Variants in ZNF490 observed in about 807,000 individuals in gnomAD.
ZNF490 encodes the protein zinc finger protein 490.
A neutral mutation model predicts 17.7 loss-of-function variants in ZNF490; 11 were observed. That is an observed-to-expected ratio of 0.62 (90% CI 0.39 to 1.03). The LOEUF (loss-of-function observed/expected upper bound fraction) is 1.03, where lower values mean the gene tolerates loss of function less well. Among genes scored for constraint, ZNF490 ranks in the 50% least tolerant of loss-of-function variants. The pLI, the probability that ZNF490 is intolerant of heterozygous loss-of-function variation, is 0.00. For missense variants in ZNF490, 542 were observed against 643.4 expected (o/e 0.84, Z 1.71); for synonymous variants, 222 against 216.1 (o/e 1.03, Z -0.24).
At chr19:12,583,779 CTCTCTCTCTCTCTATA>C (rs1351756724) in intron 2 of ZNF490, among the ~76,000 whole-genome samples, 7 of 98,330 alleles carry the variant, frequency 7.1e-5, no homozygotes, top group East Asian at 3.2e-4. Context: ...CTCTCTCTCT[CTCTCTCTCTCTCTATA>C]TATATATATA....
Position 12,581,316 on chromosome 19 carries a change from C to G in ZNF490, c.759G>C (p.Lys253Asn), listed in dbSNP as rs140140277. ...GATATCTGAATGCCTTCCCACATTCCTTACATTCATAGGGTGTCTCTCCAG... is the reference window on the plus strand; with the variant it reads ...GATATCTGAATGCCTTCCCACATTCGTTACATTCATAGGGTGTCTCTCCAG... ...IHTGETPYEC[K>N]ECGKAFRYLT... Residue 253 changes from lysine to asparagine, a missense_variant, in exon 5 of 5, where the codon AAG (lysine) becomes AAC (asparagine). Physicochemically the swap from Lys to Asn is moderately conservative, Grantham distance 94 (BLOSUM62 0). Coordinates refer to ENST00000311437, the MANE Select transcript of ZNF490 (RefSeq NM_020714.3). The G allele has an allele frequency of 2.4e-4, 382 of 1,613,884 alleles. 3 individuals carry two copies. The highest frequency in any genetic ancestry group is 2.7e-4 in the Non-Finnish European group (314 of 1,179,952).
rs2022682099 is a variant in ZNF490 at position 12,578,983 on chromosome 19, G to GCC, written c.*1501_*1502insGG. ...TAAAATGAACTGGAGGCCGGGCGCG[G>GCC]TGGCTCACGCCTATAATCCCAGCAC... On this transcript the variant is annotated 3_prime_UTR_variant, in exon 5 of 5. Coordinates refer to ENST00000311437, the MANE Select transcript of ZNF490 (RefSeq NM_020714.3). 1 of 985,232 alleles carries GCC rather than the reference G, an allele frequency of 1.0e-6. No individual in the cohort carries two copies. 61.0% of individuals were successfully genotyped at this position (985,232 alleles called of 1,614,324 possible). A position where few individuals can be genotyped will look rare whatever the true frequency, so the allele number is the denominator to read the frequency against.
rs374202755 is a variant in ZNF490 at position 12,592,952 on chromosome 19, C to A, written c.163-9396G>T. On this transcript the variant is annotated intron_variant, in intron 2 of 4. Transcript: ENST00000311437. Reference sequence around the variant, plus strand: ...ACTGGTTGATGAATGAAACATACAACCTTTCACTCAATTCATGAATTTTAT... The same window carrying A: ...ACTGGTTGATGAATGAAACATACAAACTTTCACTCAATTCATGAATTTTAT... Among the ~76,000 whole-genome samples, 102 of 152,288 alleles carry A rather than the reference C, an allele frequency of 6.7e-4. 1 individual carries two copies. The highest frequency in any genetic ancestry group is 2.3e-3 in the African/African-American group (94 of 41,544).
intron 2 of ZNF490, among the ~76,000 whole-genome samples, chr19:12,588,873 C>G (rs1274160996): frequency 2.0e-5 from 3 of 152,106 alleles, no homozygotes; most frequent in Admixed American, 2.0e-4. Context: ...AGAAAAGTCT[C>G]AAGATATTAA....
At chr19:12,606,722 G>A (rs1409149409) in intron 2 of ZNF490, among the ~76,000 whole-genome samples, 1 of 151,916 alleles carries the variant, frequency 6.6e-6, no homozygotes, top group East Asian at 1.9e-4. Flanking sequence ...AGGAATCACT[G>A]GAAGATTTTT....
chr19:12,596,356 C>T (rs923941300), intron 2 of ZNF490, among the ~76,000 whole-genome samples: 2 of 151,838 alleles, frequency 1.3e-5, no homozygotes. Context: ...GCTTCTCCAC[C>T]GTTAAAATGG....
At chr19:12,602,079 T>TATATACAC (rs778812676) in intron 2 of ZNF490, among the ~76,000 whole-genome samples, 9 of 68,654 alleles carry the variant, frequency 1.3e-4, no homozygotes, top group East Asian at 1.2e-3. Context: ...GTTCACTATA[T>TATATACAC]ACACACACAC....
At chr19:12,600,302 A>G (rs1290143366) in intron 2 of ZNF490, among the ~76,000 whole-genome samples, 2 of 151,896 alleles carry the variant, frequency 1.3e-5, no homozygotes, top group African/African-American at 4.8e-5. Flanking sequence ...AGGAGGTGGA[A>G]GTTGCAGTGA....
intron 2 of ZNF490, among the ~76,000 whole-genome samples, chr19:12,599,026 C>T (rs1399947127): frequency 2.8e-5 from 4 of 141,968 alleles, no homozygotes; most frequent in Non-Finnish European, 1.5e-5. Context: ...TGGCGGGGTG[C>T]CTGTGATCCC....
At position 12,580,403 on chromosome 19, in the gene ZNF490, C is replaced by A; in HGVS notation, c.*82G>T. ...AGGCTTAATCACACCGTTTACATTCCTTGAATTTCTCTCCAGCGTAAGTAC... is the reference window on the plus strand; with the variant it reads ...AGGCTTAATCACACCGTTTACATTCATTGAATTTCTCTCCAGCGTAAGTAC... On this transcript the variant is annotated 3_prime_UTR_variant, in exon 5 of 5. Coordinates refer to ENST00000311437, the MANE Select transcript of ZNF490 (RefSeq NM_020714.3). The A allele has an allele frequency of 6.6e-7, 1 of 1,505,072 alleles. No homozygotes were observed. The highest frequency in any genetic ancestry group is 1.4e-5 in the South Asian group (1 of 71,446). 93.2% of individuals were successfully genotyped at this position (1,505,072 alleles called of 1,614,324 possible).
chr19:12,601,386 TG>T (rs2023001714), intron 2 of ZNF490, among the ~76,000 whole-genome samples: 1 of 149,156 alleles, frequency 6.7e-6, no homozygotes, highest in Admixed American at 6.7e-5. Flanking sequence ...AGACTCCGTC[TG>T]AAAAAAAAAA....
intron 2 of ZNF490, among the ~76,000 whole-genome samples, chr19:12,599,274 T>C (rs1466810662): frequency 6.6e-6 from 1 of 151,928 alleles, no homozygotes; most frequent in African/African-American, 2.4e-5. Flanking sequence ...AAGGATCTTG[T>C]ATGATAGATT....
intron 1 of ZNF490, among the ~76,000 whole-genome samples, chr19:12,609,453 A>G (rs963528897): frequency 6.6e-6 from 1 of 152,154 alleles, no homozygotes; most frequent in Admixed American, 6.6e-5. Flanking sequence ...CAGTGGCACA[A>G]TCTTGGCTCA....
chr19:12,583,396 C>T (rs775584838), intron 3 of ZNF490, 34 bp downstream of exon 3: 1 of 1,556,892 alleles, frequency 6.4e-7, no homozygotes, highest in Non-Finnish European at 8.7e-7. Flanking sequence ...CCTGTTCCCT[C>T]CTTAATTAAG....
chr19:12,597,044 G>T, intron 2 of ZNF490: 2 of 450,212 alleles, frequency 4.4e-6, no homozygotes, highest in South Asian at 3.1e-5. Context: ...CCACGCTGCT[G>T]GGAGACCCTC....
chr19:12,597,630 C>T (rs1320006448), intron 2 of ZNF490, among the ~76,000 whole-genome samples: 2 of 152,208 alleles, frequency 1.3e-5, no homozygotes, highest in African/African-American at 4.8e-5. Flanking sequence ...CAGCCCCTGA[C>T]ACCTACTATT....
intron 3 of ZNF490, 55 bp from the exon 4 acceptor site, chr19:12,582,965 A>G: frequency 7.1e-7 from 1 of 1,405,084 alleles, no homozygotes; most frequent in Non-Finnish European, 1.0e-6. Context: ...ATAGAAAATT[A>G]TAACACTCTA....
At chr19:12,592,096 G>A (rs2022879834) in intron 2 of ZNF490, among the ~76,000 whole-genome samples, 1 of 152,190 alleles carries the variant, frequency 6.6e-6, no homozygotes, top group Non-Finnish European at 1.5e-5. Flanking sequence ...CCAGCACTTT[G>A]GGAGGCCAAG....
Position 12,580,369 on chromosome 19 carries a change from G to C in ZNF490, c.*116C>G. 2 of 1,481,192 alleles carry C rather than the reference G, an allele frequency of 1.4e-6. No homozygotes were observed. The highest frequency in any genetic ancestry group is 1.8e-6 in the Non-Finnish European group (2 of 1,120,904). 91.8% of individuals were successfully genotyped at this position (1,481,192 alleles called of 1,614,324 possible). On this transcript the variant is annotated 3_prime_UTR_variant, in exon 5 of 5. Transcript: ENST00000311437. The stretch of plus-strand genomic sequence containing the variant: ...GAGTCACGTCTTCAAAGGGAATTAG[G>C]ACAACTGAAGGCTTAATCACACCGT...
Sources: allele counts gnomAD v4.1 joint callset (sites outside exome capture counted in the v4.1 genomes callset), GRCh38; gene constraint gnomAD v4.1.1; transcripts MANE v1.5; gene names NCBI Gene and HGNC (gene_info 2026-07-23, HGNC 2026-07-21).